Variants in RBFOX1 observed in about 807,000 individuals in gnomAD.
RBFOX1 encodes the protein RNA binding protein fox-1 homolog 1.
RBFOX1 carries 8 observed loss-of-function variants against 57.7 expected under a neutral mutation model. The observed-to-expected ratio is 0.14, with a 90% CI of 0.08 to 0.25. RBFOX1 has a LOEUF of 0.25. RBFOX1 is among the 10% of genes least tolerant of loss of function. RBFOX1 has a pLI of 1.00. For synonymous variants in RBFOX1, 326 were observed against 222.4 expected, an observed-to-expected ratio of 1.47 and a Z score of -4.15; for missense variants, 611 against 548.5, an observed-to-expected ratio of 1.11 and a Z score of -1.14.
chr16:5,993,595 A>T (rs936886477), intron 4 of RBFOX1, among the ~76,000 whole-genome samples: 3 of 152,010 alleles, frequency 2.0e-5, no homozygotes, highest in African/African-American at 7.3e-5. Flanking sequence ...GACTTCTCTG[A>T]TGTTCTCAGG....
intron 4 of RBFOX1, among the ~76,000 whole-genome samples, chr16:7,130,653 G>A (rs1353352690): frequency 6.6e-6 from 1 of 152,314 alleles, no homozygotes; most frequent in African/African-American, 2.4e-5. Flanking sequence ...GACATCTCCA[G>A]TGCCTTTTTA....
Position 5,366,681 on chromosome 16 carries a change from G to A in RBFOX1, c.220-100535G>A, listed in dbSNP as rs1342903285. 7 of 420,118 alleles carry A rather than the reference G, an allele frequency of 1.7e-5. No individual in the cohort carries two copies. In the Admixed American group the frequency reaches 2.0e-4, roughly 12 times the overall value. 26.0% of individuals were successfully genotyped at this position (420,118 alleles called of 1,614,324 possible). On this transcript the variant is annotated intron_variant, in intron 1 of 2. Transcript: ENST00000585867. ...TTCCCGATCTCTGGCAGTGGAGGAA[G>A]TCTCTTTAAGAAAATCATTTAAACA...
chr16:6,025,468 C>G (rs1419838369), intron 1 of RBFOX1, among the ~76,000 whole-genome samples: 1 of 152,208 alleles, frequency 6.6e-6, no homozygotes, highest in Non-Finnish European at 1.5e-5. Flanking sequence ...TTTTCTTTCT[C>G]TGGGGCCTCC....
intron 3 of RBFOX1, among the ~76,000 whole-genome samples, chr16:5,608,981 A>G (rs72763286): frequency 0.019 from 2,965 of 152,314 alleles, 41 homozygotes; most frequent in Non-Finnish European, 0.031. Context: ...CATTTCGCCA[A>G]TCCATGCCAA....
chr16:7,024,300 G>A (rs879225165), intron 3 of RBFOX1, among the ~76,000 whole-genome samples: 5 of 152,210 alleles, frequency 3.3e-5, no homozygotes, highest in Admixed American at 3.3e-4. Flanking sequence ...GGAGAGCCTG[G>A]TTCTGTGACA....
At chr16:6,938,268 C>T (rs56121559) in intron 3 of RBFOX1, among the ~76,000 whole-genome samples, 17,049 of 152,014 alleles carry the variant, frequency 0.11, 1,176 homozygotes, top group East Asian at 0.16. Flanking sequence ...AATAATGCTG[C>T]GCAGATCTTT....
At chr16:5,713,957 G>C (rs1014319295) in intron 3 of RBFOX1, among the ~76,000 whole-genome samples, 2 of 152,206 alleles carry the variant, frequency 1.3e-5, no homozygotes, top group East Asian at 3.8e-4. Context: ...TTCTAACAGA[G>C]CTCAAATCTG....
intron 3 of RBFOX1, among the ~76,000 whole-genome samples, chr16:6,882,960 A>T (rs992650342): frequency 6.6e-6 from 1 of 152,192 alleles, no homozygotes; most frequent in East Asian, 1.9e-4. Context: ...CTGCTTTAGC[A>T]ATCAATAAAT....
At position 6,075,596 on chromosome 16, in the gene RBFOX1, C is replaced by G. The variant is rs1337012586; in HGVS notation, c.-127+55604C>G. On this transcript the variant is annotated intron_variant, in intron 1 of 15. Transcript: ENST00000550418. The stretch of plus-strand genomic sequence containing the variant: ...GAACAAAGATGTAATTCTTGTTACA[C>G]ATACACACACACAAAGACACACATT... 3.3e-5 allele frequency among the ~76,000 whole-genome samples: 5 copies of G among 152,204 alleles called. No homozygotes were observed. The East Asian group carries it at 7.7e-4, about 23-fold the overall frequency.
Position 7,712,788 on chromosome 16 carries a change from A to G in RBFOX1, c.*2043A>G, listed in dbSNP as rs1162181922. 2 of 152,246 alleles carry G rather than the reference A, an allele frequency of 1.3e-5. No homozygotes were observed. The highest frequency in any genetic ancestry group is 4.8e-5 in the African/African-American group (2 of 41,476). The allele number at this position is 152,246 out of a possible 1,614,324, so 9.4% of individuals were successfully genotyped here. On this transcript the variant is annotated 3_prime_UTR_variant, in exon 16 of 16. Transcript: ENST00000550418. ...TCCTCCAGAGGGAAGAAAGAGTAGG[A>G]GCAGGGGGCTATGGAGAATAAATTT... is the stretch of plus-strand genomic sequence containing the variant.
At chr16:5,949,655 C>A (rs934762123) in intron 4 of RBFOX1, among the ~76,000 whole-genome samples, 3 of 151,748 alleles carry the variant, frequency 2.0e-5, no homozygotes, top group Admixed American at 6.6e-5. Context: ...TGGTCTTTTA[C>A]AACAATTAAC....
At chr16:6,913,624 G>T (rs1481287777) in intron 3 of RBFOX1, among the ~76,000 whole-genome samples, 1 of 152,156 alleles carries the variant, frequency 6.6e-6, no homozygotes, top group Non-Finnish European at 1.5e-5. Context: ...CTCAAGCCCT[G>T]AGGCCACCAG....
chr16:6,736,573 G>T (rs1352589604), intron 3 of RBFOX1, among the ~76,000 whole-genome samples: 1 of 152,164 alleles, frequency 6.6e-6, no homozygotes, highest in Admixed American at 6.5e-5. Flanking sequence ...TGGGCATTTG[G>T]ATTGGTTCCA....
chr16:6,171,981 T>C (rs188417546), intron 1 of RBFOX1, among the ~76,000 whole-genome samples: 15 of 151,856 alleles, frequency 9.9e-5, no homozygotes, highest in Admixed American at 3.9e-4. Context: ...GCCTCCACGC[T>C]TGGGTAATTT....
In RBFOX1 at chr16:6,728,185, G is replaced by T. The variant is rs74446797; in HGVS notation, c.-16+73535G>T. On this transcript the variant is annotated intron_variant, in intron 3 of 15. Coordinates refer to ENST00000550418, the MANE Select transcript of RBFOX1 (RefSeq NM_018723.4). ...GCTTTTTGGAAAATTACTTCAAGCA[G>T]TGTCACTTCTTACGGTCATTGTATC... is the stretch of plus-strand genomic sequence containing the variant. 3.8e-3 allele frequency among the ~76,000 whole-genome samples: 581 copies of T among 152,298 alleles called. 10 individuals are homozygous for T. In the East Asian group the frequency reaches 0.053, roughly 14 times the overall value.
intron 1 of RBFOX1, among the ~76,000 whole-genome samples, chr16:5,458,674 A>G (rs1392316684): frequency 6.6e-6 from 1 of 152,220 alleles, no homozygotes; most frequent in Non-Finnish European, 1.5e-5. Context: ...ATGAATCCAA[A>G]TAGGCAACTG....
chr16:6,174,262 C>T (rs766227369), intron 1 of RBFOX1, among the ~76,000 whole-genome samples: 14 of 152,136 alleles, frequency 9.2e-5, no homozygotes, highest in Non-Finnish European at 1.6e-4. Context: ...CACTGTTGCG[C>T]TGTCATCAGA....
At chr16:6,204,671 G>A (rs1414793059) in intron 1 of RBFOX1, among the ~76,000 whole-genome samples, 2 of 152,062 alleles carry the variant, frequency 1.3e-5, no homozygotes, top group African/African-American at 4.8e-5. Flanking sequence ...CCATTTATGG[G>A]GTAAAGAAAA....
intron 1 of RBFOX1, among the ~76,000 whole-genome samples, chr16:5,389,441 G>C (rs1295955665): frequency 6.6e-6 from 1 of 151,932 alleles, no homozygotes; most frequent in Non-Finnish European, 1.5e-5. Context: ...TGCAAATAGC[G>C]CTTCCCACCC....
Sources: gnomAD v4.1 joint callset for allele counts (sites outside exome capture counted in the v4.1 genomes callset) on GRCh38, gnomAD v4.1.1 for gene constraint, MANE v1.5 for transcripts, NCBI Gene and HGNC (gene_info 2026-07-23, HGNC 2026-07-21) for gene names.